The following MEI1 variants were observed in gnomAD, a reference collection of about 807,000 sequenced individuals.
MEI1 encodes meiotic double-stranded break formation protein 1, also known as meiosis inhibitor protein 1.
In MEI1, 103 loss-of-function variants were observed where a neutral mutation model predicts 146.2. That is an observed-to-expected ratio of 0.70 (90% CI 0.60 to 0.83). The LOEUF (loss-of-function observed/expected upper bound fraction) is 0.83, where lower values mean the gene tolerates loss of function less well. Among genes scored for constraint, MEI1 ranks in the 40% least tolerant of loss-of-function variants. The probability of loss-of-function intolerance (pLI) is 0.00; values close to 1 mark genes in which losing one functional copy is unlikely to be tolerated. For missense variants in MEI1, 1,529 were observed against 1,533.0 expected, an observed-to-expected ratio of 1.00 and a Z score of 0.04; for synonymous variants, 652 against 628.2, an observed-to-expected ratio of 1.04 and a Z score of -0.57.
chr22:41,777,913 TTC>T (rs1233558762), intron 21 of MEI1, among the ~76,000 whole-genome samples: 1 of 151,604 alleles, frequency 6.6e-6, no homozygotes, highest in East Asian at 1.9e-4. Flanking sequence ...CTTCATCTTC[TTC>T]TTTCTTCTTC....
At chr22:41,728,494 T>G (rs1051456957) in intron 7 of MEI1, among the ~76,000 whole-genome samples, 4 of 152,156 alleles carry the variant, frequency 2.6e-5, no homozygotes, top group Admixed American at 1.3e-4. Context: ...ATCCCAGCAT[T>G]TAGGGAGGCC....
chr22:41,797,510 G>A (rs760865525), intron 30 of MEI1, among the ~76,000 whole-genome samples: 21 of 152,140 alleles, frequency 1.4e-4, no homozygotes, highest in African/African-American at 2.4e-4. Flanking sequence ...TACTTAGGAG[G>A]TTGAGACAGG....
chr22:41,708,968 G>C (rs891812780), intron 3 of MEI1, among the ~76,000 whole-genome samples: 1 of 152,118 alleles, frequency 6.6e-6, no homozygotes. Context: ...CAAAGTCAGG[G>C]AATCCCTCCT....
At chr22:41,723,918 A>T in intron 6 of MEI1, 25 bp from the exon 7 acceptor site, 3 of 1,574,596 alleles carry the variant, frequency 1.9e-6, no homozygotes, top group Non-Finnish European at 2.6e-6. Context: ...CTCTTGCCTT[A>T]CTTCCCAATC....
At chr22:41,716,170 G>A in intron 5 of MEI1, 24 bp downstream of exon 5, 1 of 1,506,482 alleles carries the variant, frequency 6.6e-7, no homozygotes, top group Non-Finnish European at 9.1e-7. Context: ...GGGAGGAGCT[G>A]CCACTACCCT....
rs1281224501 is a variant in MEI1 at position 41,758,537 on chromosome 22, A to G, written c.2120+4A>G. On this transcript the variant is annotated splice_donor_region_variant and intron_variant, in intron 18 of 30. Transcript: ENST00000401548. ...TGGCCTACATCCATGAAGACAGGTC[A>G]GTGCACAGAGGTGGGTGGCTGGTGG... is the stretch of plus-strand genomic sequence containing the variant. 3.7e-6 allele frequency: 6 copies of G among 1,608,694 alleles called. No homozygotes were observed. The highest frequency in any genetic ancestry group is 3.4e-6 in the Non-Finnish European group (4 of 1,176,142).
At chr22:41,768,988 G>A (rs2075017638) in intron 19 of MEI1, among the ~76,000 whole-genome samples, 1 of 152,096 alleles carries the variant, frequency 6.6e-6, no homozygotes, top group South Asian at 2.1e-4. Flanking sequence ...AGTTTAAGAT[G>A]GCAGTGCTCT....
intron 11 of MEI1, among the ~76,000 whole-genome samples, chr22:41,734,785 G>T (rs537800459): frequency 6.6e-6 from 1 of 151,374 alleles, no homozygotes; most frequent in Non-Finnish European, 1.5e-5. Flanking sequence ...CTACAGGTGC[G>T]TGCCACCATG....
At chr22:41,739,917 G>C (rs2072712518) in intron 11 of MEI1, among the ~76,000 whole-genome samples, 1 of 152,172 alleles carries the variant, frequency 6.6e-6, no homozygotes. Flanking sequence ...TTGACCAGCA[G>C]GTTACATGAA....
chr22:41,744,785 A>ACC (rs1224003513), intron 12 of MEI1, among the ~76,000 whole-genome samples, 188 bp from the exon 13 acceptor site: 1 of 20,764 alleles, frequency 4.8e-5, no homozygotes, highest in Non-Finnish European at 9.7e-5. Context: ...GGCGTGAGCC[A>ACC]CCGCGCCCGG....
intron 11 of MEI1, among the ~76,000 whole-genome samples, 173 bp downstream of exon 11, chr22:41,732,776 A>ATTT (rs767715701): frequency 1.2e-4 from 16 of 133,762 alleles, no homozygotes; most frequent in Middle Eastern, 3.9e-3. Context: ...GGATTGAAAA[A>ATTT]TTTTTTTTTT....
At chr22:41,710,391 A>T (rs1430283913) in intron 3 of MEI1, among the ~76,000 whole-genome samples, 3 of 152,240 alleles carry the variant, frequency 2.0e-5, no homozygotes, top group African/African-American at 7.2e-5. Flanking sequence ...CAAGTGGGTT[A>T]GTAAGTGTAA....
chr22:41,773,583 A>G (rs2148071971), intron 20 of MEI1, among the ~76,000 whole-genome samples: 1 of 141,652 alleles, frequency 7.1e-6, no homozygotes, highest in South Asian at 2.3e-4. Context: ...AAAAAAAAAG[A>G]ACAGCAAGGA....
chr22:41,707,046 AAAAAAAAT>A (rs1371342565), intron 3 of MEI1, among the ~76,000 whole-genome samples: 2 of 63,718 alleles, frequency 3.1e-5, no homozygotes, highest in Middle Eastern at 9.1e-3. Context: ...AAAAAAAAAA[AAAAAAAAT>A]TAGCCGGGCG....
chr22:41,794,521 G>A (rs2076297174), intron 28 of MEI1, 44 bp downstream of exon 28: 1 of 1,521,346 alleles, frequency 6.6e-7, no homozygotes, highest in African/African-American at 1.4e-5. Context: ...AGTGTCATGA[G>A]CTGGGTGGTG....
chr22:41,724,195 A>G, intron 7 of MEI1, 122 bp downstream of exon 7: 4 of 1,229,802 alleles, frequency 3.3e-6, no homozygotes, highest in Non-Finnish European at 4.5e-6. Context: ...ACTGGGCAAA[A>G]TAATATACTG....
At chr22:41,716,355 C>CTTTTTTTTTTTTTTTTTTTTTTT in intron 5 of MEI1, among the ~76,000 whole-genome samples, 1 of 118,582 alleles carries the variant, frequency 8.4e-6, no homozygotes, top group Non-Finnish European at 1.7e-5. Flanking sequence ...TCCATTCATT[C>CTTTTTTTTTTTTTTTTTTTTTTT]TTTTTTTTTT....
chr22:41,709,973 C>A (rs2069408484), intron 3 of MEI1, among the ~76,000 whole-genome samples: 2 of 151,816 alleles, frequency 1.3e-5, no homozygotes, highest in South Asian at 4.2e-4. Context: ...TATATGTACC[C>A]CCCACCCCCG....
intron 19 of MEI1, among the ~76,000 whole-genome samples, chr22:41,769,553 A>G (rs1602055443): frequency 6.6e-6 from 1 of 151,728 alleles, no homozygotes; most frequent in African/African-American, 2.4e-5. Context: ...GCTCACCACA[A>G]CCTCTGCCTC....
Sources: allele counts gnomAD v4.1 joint callset (sites outside exome capture counted in the v4.1 genomes callset), GRCh38; gene constraint gnomAD v4.1.1; transcripts MANE v1.5; gene names NCBI Gene and HGNC (gene_info 2026-07-23, HGNC 2026-07-21).